ATP10D: variants seen among roughly 807,000 people sequenced by gnomAD.
ATP10D encodes the protein ATPase phospholipid transporting 10D (putative).
ATP10D carries 89 observed loss-of-function variants against 144.8 expected under a neutral mutation model. That is an observed-to-expected ratio of 0.61 (90% confidence interval 0.52 to 0.73). ATP10D has a LOEUF of 0.73. ATP10D is among the 30% of genes least tolerant of loss of function. The probability of loss-of-function intolerance (pLI) is 0.00; values close to 1 mark genes in which losing one functional copy is unlikely to be tolerated. For missense variants in ATP10D, 1,603 were observed against 1,714.8 expected (o/e 0.93, Z 1.15); for synonymous variants, 571 against 615.1 (o/e 0.93, Z 1.06).
At chr4:47,572,763 G>A (rs1168871998) in intron 17 of ATP10D, 109 bp from the exon 18 acceptor site, 6 of 1,391,942 alleles carry the variant, frequency 4.3e-6, no homozygotes, top group Non-Finnish European at 5.9e-6. Flanking sequence ...AACAAATGCG[G>A]TCAGAAGAAG....
intron 9 of ATP10D, among the ~76,000 whole-genome samples, chr4:47,545,981 A>G (rs1374174761): frequency 6.6e-6 from 1 of 152,228 alleles, no homozygotes; most frequent in Admixed American, 6.5e-5. Flanking sequence ...GACTAAAAAG[A>G]AGAGACAGCA....
At chr4:47,590,104 G>A (rs1720960968) in intron 22 of ATP10D, among the ~76,000 whole-genome samples, 1 of 152,106 alleles carries the variant, frequency 6.6e-6, no homozygotes, top group Non-Finnish European at 1.5e-5. Context: ...TTTGAGGGAA[G>A]TGGATCTTTC....
Position 47,592,486 on chromosome 4 carries a change from C to G in ATP10D, c.*1105C>G, listed in dbSNP as rs1451300964. The stretch of plus-strand genomic sequence containing the variant: ...TTACTCCTATTGCGAATCATGTATG[C>G]TGGCTTTAGTTGTAACAAACGATTT... On this transcript the variant is annotated 3_prime_UTR_variant, in exon 23 of 23. Coordinates refer to ENST00000273859, the MANE Select transcript of ATP10D (RefSeq NM_020453.4). The G allele has an allele frequency of 6.6e-6, 1 of 152,532 alleles. No homozygotes were observed. Among genetic ancestry groups the G allele is most frequent in the Non-Finnish European group, 1.5e-5 (1 of 67,990 alleles). 9.4% of individuals were successfully genotyped at this position (152,532 alleles called of 1,614,324 possible). A position where few individuals can be genotyped will look rare whatever the true frequency, so the allele number is the denominator to read the frequency against.
At chr4:47,491,962 A>G (rs73138052) in intron 1 of ATP10D, among the ~76,000 whole-genome samples, 85 of 152,270 alleles carry the variant, frequency 5.6e-4, no homozygotes, top group African/African-American at 2.0e-3. Flanking sequence ...ATTCATTCCC[A>G]AAGCACTCAG....
At chr4:47,495,384 G>A (rs1013243161) in intron 1 of ATP10D, among the ~76,000 whole-genome samples, 1 of 151,970 alleles carries the variant, frequency 6.6e-6, no homozygotes, top group African/African-American at 2.4e-5. Flanking sequence ...AAATGTAAAA[G>A]CAATACATTA....
At chr4:47,561,143 G>C in intron 14 of ATP10D, 68 bp downstream of exon 14, 1 of 1,578,474 alleles carries the variant, frequency 6.3e-7, no homozygotes. Context: ...TTTGAATAAG[G>C]GTTATTTTCT....
rs1156314506 is a variant in ATP10D at position 47,563,712 on chromosome 4, T to C, written c.2800T>C (p.Cys934Arg). Residue 934 changes from cysteine (C) to arginine (R), a missense_variant, in exon 15 of 23, where the codon TGC (cysteine) becomes CGC (arginine). Cys to Arg is a radical substitution (Grantham distance 180). Coordinates refer to ENST00000273859, the MANE Select transcript of ATP10D (RefSeq NM_020453.4). Reference sequence around the variant, plus strand: ...GACAGCTGTCAACATAGCTTATGCATGCAAACTACTGGAGCCAGATGACAA... The same window carrying C: ...GACAGCTGTCAACATAGCTTATGCACGCAAACTACTGGAGCCAGATGACAA... ...QETAVNIAYA[C>R]KLLEPDDKLF... 3 of 1,613,462 alleles carry C rather than the reference T, an allele frequency of 1.9e-6. No homozygotes were observed. The highest frequency in any genetic ancestry group is 1.7e-5 in the Admixed American group (1 of 59,846).
In ATP10D at chr4:47,557,842, C is replaced by A. The variant is rs374215434; in HGVS notation, c.2003C>A (p.Pro668Gln). The A allele has an allele frequency of 3.7e-6, 6 of 1,614,074 alleles. No individual in the cohort carries two copies. In the South Asian group the frequency reaches 6.6e-5, roughly 18 times the overall value. The part of the protein sequence containing the change: ...SRLPLFSRMK[P>Q]ASPVEEEVSQ... ...CTCCCTCTCTTTAGTCGAATGAAAC[C>A]AGCTTCACCTGTGGAGGAAGAGGTC... Residue 668 changes from proline (P) to glutamine (Q), a missense_variant, in exon 12 of 23, where the codon CCA becomes CAA. By Grantham distance (76) the Pro-to-Gln change is moderately conservative (BLOSUM62 -1). Transcript: ENST00000273859.
intron 2 of ATP10D, among the ~76,000 whole-genome samples, chr4:47,515,275 T>G (rs1008745834): frequency 6.6e-6 from 1 of 152,172 alleles, no homozygotes; most frequent in Admixed American, 6.5e-5. Flanking sequence ...TATCTCACAT[T>G]TATTAAAGAA....
intron 18 of ATP10D, among the ~76,000 whole-genome samples, chr4:47,574,754 A>ATT (rs1429327323): frequency 6.8e-6 from 1 of 147,960 alleles, no homozygotes; most frequent in Non-Finnish European, 1.5e-5. Flanking sequence ...GATGACAATA[A>ATT]TTTTTTTTTT....
intron 9 of ATP10D, among the ~76,000 whole-genome samples, chr4:47,542,635 AC>A (rs1718203274): frequency 6.6e-6 from 1 of 150,978 alleles, no homozygotes; most frequent in Non-Finnish European, 1.5e-5. Context: ...CCGCCACCAC[AC>A]CCAGCTAATT....
chr4:47,531,406 G>C (rs1717561879), intron 5 of ATP10D, among the ~76,000 whole-genome samples: 1 of 152,206 alleles, frequency 6.6e-6, no homozygotes, highest in Non-Finnish European at 1.5e-5. Context: ...GAGCAACATA[G>C]GCAAGAGCAC....
chr4:47,592,479 A>G lies in ATP10D; in HGVS notation c.*1098A>G, dbSNP rs1321556286. 4 of 152,708 alleles carry G rather than the reference A, an allele frequency of 2.6e-5. No individual in the cohort carries two copies. The highest frequency in any genetic ancestry group is 5.9e-5 in the Non-Finnish European group (4 of 68,002). 9.5% of individuals were successfully genotyped at this position (152,708 alleles called of 1,614,324 possible). On this transcript the variant is annotated 3_prime_UTR_variant, in exon 23 of 23. Transcript: ENST00000273859. ...AGCAAGTTTACTCCTATTGCGAATC[A>G]TGTATGCTGGCTTTAGTTGTAACAA...
intron 1 of ATP10D, among the ~76,000 whole-genome samples, chr4:47,501,460 G>A (rs550744117): frequency 6.6e-5 from 10 of 152,168 alleles, no homozygotes; most frequent in Admixed American, 3.9e-4. Context: ...TGCCTTTAGC[G>A]TTTTTCTCTG....
intron 5 of ATP10D, among the ~76,000 whole-genome samples, chr4:47,534,011 A>G (rs1717699507): frequency 6.6e-6 from 1 of 152,138 alleles, no homozygotes. Context: ...AATTGTCTGA[A>G]AAATGTTTTC....
chr4:47,556,119 G>C (rs566922974), intron 11 of ATP10D, among the ~76,000 whole-genome samples: 1 of 152,280 alleles, frequency 6.6e-6, no homozygotes, highest in East Asian at 1.9e-4. Flanking sequence ...TTTTCAATGC[G>C]GAGGAAAACT....
At chr4:47,586,905 C>G (rs1364541179) in intron 21 of ATP10D, 114 bp from the exon 22 acceptor site, 2 of 880,646 alleles carry the variant, frequency 2.3e-6, no homozygotes, top group East Asian at 4.9e-5. Context: ...AGGTTTGTTA[C>G]ACCATTCATC....
intron 10 of ATP10D, among the ~76,000 whole-genome samples, chr4:47,551,552 C>A (rs767425574): frequency 6.6e-6 from 1 of 152,178 alleles, no homozygotes; most frequent in Non-Finnish European, 1.5e-5. Flanking sequence ...ATGAGATTAG[C>A]AAATTATAGT....
At position 47,558,258 on chromosome 4, in the gene ATP10D, T is replaced by G; in HGVS notation, c.2419T>G (p.Ser807Ala). The change falls in exon 12 of 23, where the codon TCG becomes GCG. Residue 807 changes from serine (S) to alanine (A), a missense_variant. By Grantham distance (99) the Ser-to-Ala change is moderately conservative (BLOSUM62 1). Transcript: ENST00000273859. ...TGATTCTGTGATCATGGAGTTACTG[T>G]CGGTGGCTTCCCCAGGTAAGTTTAT... is the stretch of plus-strand genomic sequence containing the variant. ...GADSVIMELL[S>A]VASPDGASLE... 2 of 1,612,370 alleles carry G rather than the reference T, an allele frequency of 1.2e-6. No individual in the cohort carries two copies. The highest frequency in any genetic ancestry group is 8.5e-7 in the Non-Finnish European group (1 of 1,178,470).
Sources: allele counts gnomAD v4.1 joint callset (sites outside exome capture counted in the v4.1 genomes callset), GRCh38; gene constraint gnomAD v4.1.1; transcripts MANE v1.5; gene names NCBI Gene and HGNC (gene_info 2026-07-23, HGNC 2026-07-21).